Variants in LRP1B observed in about 807,000 individuals in gnomAD.
LRP1B encodes LDL receptor related protein 1B.
Under a neutral mutation model 556.6 loss-of-function variants are expected in LRP1B, and 217 were observed. The observed-to-expected ratio is 0.39, with a 90% CI of 0.35 to 0.44. The LOEUF (loss-of-function observed/expected upper bound fraction) is 0.44, where lower values mean the gene tolerates loss of function less well. LRP1B is among the 20% of genes least tolerant of loss of function. LRP1B has a pLI of 1.00. For missense variants in LRP1B, 5,053 were observed against 5,620.8 expected (o/e 0.90, Z 3.23); for synonymous variants, 2,047 against 1,865.8 (o/e 1.10, Z -2.50).
chr2:140,567,386 A>G (rs1232492001), intron 43 of LRP1B, among the ~76,000 whole-genome samples: 1 of 152,078 alleles, frequency 6.6e-6, no homozygotes, highest in Non-Finnish European at 1.5e-5. Flanking sequence ...ACTGAGACCT[A>G]TTGTCTCTGA....
At chr2:140,883,241 C>T (rs1268153447) in intron 25 of LRP1B, among the ~76,000 whole-genome samples, 1 of 152,136 alleles carries the variant, frequency 6.6e-6, no homozygotes, top group Non-Finnish European at 1.5e-5. Context: ...GGGCAGTAAC[C>T]TGAGTTACTC....
intron 43 of LRP1B, among the ~76,000 whole-genome samples, chr2:140,586,248 T>C (rs1681980937): frequency 6.6e-6 from 1 of 152,160 alleles, no homozygotes; most frequent in Admixed American, 6.5e-5. Context: ...TCCATGGAAG[T>C]GTGTTTCCTA....
intron 57 of LRP1B, among the ~76,000 whole-genome samples, chr2:140,490,657 C>T (rs1195376417): frequency 1.3e-5 from 2 of 152,014 alleles, no homozygotes; most frequent in Non-Finnish European, 2.9e-5. Context: ...GTTTCTACTG[C>T]CTAGAACTCC....
At chr2:140,540,356 A>G (rs1558954253) in intron 45 of LRP1B, among the ~76,000 whole-genome samples, 2 of 152,152 alleles carry the variant, frequency 1.3e-5, no homozygotes, top group African/African-American at 2.4e-5. Context: ...TTTCATGGCA[A>G]TATTGAAACA....
intron 41 of LRP1B, among the ~76,000 whole-genome samples, chr2:140,697,258 G>A (rs369723963): frequency 7.9e-5 from 12 of 151,968 alleles, no homozygotes; most frequent in African/African-American, 2.7e-4. Flanking sequence ...AATTTACTAC[G>A]GTTGAAACAG....
At chr2:140,871,148 A>T (rs1475271120) in intron 25 of LRP1B, among the ~76,000 whole-genome samples, 1 of 152,132 alleles carries the variant, frequency 6.6e-6, no homozygotes, top group Admixed American at 6.6e-5. Context: ...TGTAAAACAA[A>T]CTTGGATCAA....
At chr2:141,182,855 T>C (rs2105176741) in intron 7 of LRP1B, among the ~76,000 whole-genome samples, 1 of 151,986 alleles carries the variant, frequency 6.6e-6, no homozygotes, top group Non-Finnish European at 1.5e-5. Context: ...TAGGGGGCTG[T>C]TTATCCTTAA....
intron 66 of LRP1B, among the ~76,000 whole-genome samples, chr2:140,421,672 T>C (rs1343749439): frequency 1.3e-5 from 2 of 152,198 alleles, no homozygotes; most frequent in Non-Finnish European, 2.9e-5. Context: ...CAAAGCATAA[T>C]TTTAGGGTCT....
At chr2:141,557,697 T>C (rs1415355937) in intron 2 of LRP1B, among the ~76,000 whole-genome samples, 1 of 151,936 alleles carries the variant, frequency 6.6e-6, no homozygotes, top group Non-Finnish European at 1.5e-5. Context: ...AGAAACCTTG[T>C]GGAATAAACC....
At position 141,516,916 on chromosome 2, in the gene LRP1B, C is replaced by T. The variant is rs187944629; in HGVS notation, c.206-36383G>A. Among the ~76,000 whole-genome samples the T allele has an allele frequency of 1.6e-3, 236 of 147,584 alleles. 3 individuals are homozygous for T. The highest frequency in any genetic ancestry group is 5.5e-3 in the African/African-American group (218 of 39,974). On this transcript the variant is annotated intron_variant, in intron 2 of 90. Transcript: ENST00000389484. ...TTCAGCACGTTGGCCAGGCTGGTCT[C>T]GAACTCCTGACCTCAGGTGATCCGC...
At chr2:140,812,751 A>T (rs1690972908) in intron 32 of LRP1B, among the ~76,000 whole-genome samples, 1 of 152,062 alleles carries the variant, frequency 6.6e-6, no homozygotes, top group South Asian at 2.1e-4. Flanking sequence ...ATAAGTTTTT[A>T]AAAATTATTC....
chr2:142,052,356 C>T (rs1209089381), intron 1 of LRP1B, among the ~76,000 whole-genome samples: 3 of 152,032 alleles, frequency 2.0e-5, no homozygotes, highest in Admixed American at 2.0e-4. Flanking sequence ...GGCTTAGGTC[C>T]AGAATGAAGT....
intron 59 of LRP1B, among the ~76,000 whole-genome samples, chr2:140,480,715 A>G (rs1688200479): frequency 1.3e-5 from 2 of 152,120 alleles, no homozygotes; most frequent in Admixed American, 6.5e-5. Context: ...TCCTGGGATT[A>G]CAGGCTTGAA....
chr2:140,585,866 T>C (rs16844283), intron 43 of LRP1B, among the ~76,000 whole-genome samples: 10,494 of 152,206 alleles, frequency 0.069, 568 homozygotes, highest in East Asian at 0.25. Flanking sequence ...AAATCAGTGA[T>C]TTCAATGTCT....
chr2:140,480,378 A>G (rs1573985951), intron 59 of LRP1B, among the ~76,000 whole-genome samples: 1 of 150,708 alleles, frequency 6.6e-6, no homozygotes, highest in Non-Finnish European at 1.5e-5. Flanking sequence ...AATACTGAGT[A>G]AGTGTCTTTC....
chr2:141,201,037 C>G (rs940252241), intron 6 of LRP1B, among the ~76,000 whole-genome samples: 18 of 152,064 alleles, frequency 1.2e-4, no homozygotes, highest in Non-Finnish European at 2.1e-4. Context: ...TAATAAGTCA[C>G]TTTACCTGAG....
intron 7 of LRP1B, among the ~76,000 whole-genome samples, chr2:141,079,686 CA>C (rs1441959621): frequency 6.6e-6 from 1 of 152,042 alleles, no homozygotes; most frequent in Non-Finnish European, 1.5e-5. Flanking sequence ...AGTCTGTATA[CA>C]AATTTTCATA....
intron 3 of LRP1B, among the ~76,000 whole-genome samples, chr2:141,287,208 T>A (rs917340832): frequency 1.3e-5 from 2 of 152,204 alleles, no homozygotes; most frequent in Non-Finnish European, 2.9e-5. Context: ...GTTGTTATGT[T>A]CATTATTTCA....
At chr2:141,685,653 G>A (rs1213825319) in intron 2 of LRP1B, among the ~76,000 whole-genome samples, 2 of 152,048 alleles carry the variant, frequency 1.3e-5, no homozygotes, top group African/African-American at 4.8e-5. Flanking sequence ...CAGGGATGTA[G>A]AAAGGTCAGG....
Sources: allele counts gnomAD v4.1 joint callset (sites outside exome capture counted in the v4.1 genomes callset), GRCh38; gene constraint gnomAD v4.1.1; transcripts MANE v1.5; gene names NCBI Gene and HGNC (gene_info 2026-07-23, HGNC 2026-07-21).